The following TNFRSF1B variants were observed in gnomAD, a reference collection of about 807,000 sequenced individuals.
The protein encoded by TNFRSF1B is tumor necrosis factor receptor superfamily member 1B.
TNFRSF1B carries 19 observed loss-of-function variants against 44.6 expected under a neutral mutation model. That is an observed-to-expected ratio of 0.43 (90% confidence interval 0.30 to 0.62). The LOEUF (loss-of-function observed/expected upper bound fraction) is 0.62, where lower values mean the gene tolerates loss of function less well. Ranked by LOEUF, TNFRSF1B falls within the 20% of genes least tolerant of loss-of-function variation. The pLI is 0.16. For synonymous variants in TNFRSF1B, 252 were observed against 261.1 expected, an observed-to-expected ratio of 0.97 and a Z score of 0.34; for missense variants, 541 against 619.9, an observed-to-expected ratio of 0.87 and a Z score of 1.35.
At chr1:12,197,314 C>G (rs1361882976) in intron 8 of TNFRSF1B, among the ~76,000 whole-genome samples, 2 of 152,126 alleles carry the variant, frequency 1.3e-5, no homozygotes, top group Admixed American at 1.3e-4. Flanking sequence ...GTTGAGTGCC[C>G]CAGTGGTGTG....
intron 1 of TNFRSF1B, among the ~76,000 whole-genome samples, chr1:12,174,314 C>G (rs1050330061): frequency 2.6e-5 from 4 of 151,716 alleles, no homozygotes; most frequent in African/African-American, 9.7e-5. Flanking sequence ...GTGGCGTGAT[C>G]TTGGCTCACT....
At chr1:12,172,020 G>A (rs765335539) in intron 1 of TNFRSF1B, among the ~76,000 whole-genome samples, 1 of 152,166 alleles carries the variant, frequency 6.6e-6, no homozygotes, top group Non-Finnish European at 1.5e-5. Flanking sequence ...ATTGAGTGGT[G>A]TCTGCTGAGG....
rs747434014 is a variant in TNFRSF1B at position 12,191,901 on chromosome 1, G to C, written c.435G>C (p.Pro145=). ...RLCAPLRKCR[P]GFGVARPGTE... ...GCGCGCCGCTGCGCAAGTGCCGCCC[G>C]GGCTTCGGCGTGGCCAGACCAGGTA... The change falls in exon 4 of 10, where the codon CCG becomes CCC. Residue 145 remains proline, a synonymous_variant. Coordinates refer to ENST00000376259, the MANE Select transcript of TNFRSF1B (RefSeq NM_001066.3). The C allele has an allele frequency of 1.9e-6, 3 of 1,609,222 alleles. No homozygotes were observed. In the African/African-American group the frequency reaches 4.0e-5, roughly 22 times the overall value.
rs762700397 is a variant in TNFRSF1B at position 12,191,730 on chromosome 1, G to A, written c.308-44G>A. 9 of 1,609,720 alleles carry A rather than the reference G, an allele frequency of 5.6e-6. No individual in the cohort carries two copies. In the Admixed American group the frequency reaches 1.3e-4, roughly 24 times the overall value. ...CTGTCTGGGAGGGCAGCGTGGGTGT[G>A]GCGGAGGCAGGCGTGACCGTTTGCC... On this transcript the variant is annotated intron_variant, in intron 3 of 9. Transcript: ENST00000376259.
intron 1 of TNFRSF1B, 41 bp from the exon 2 acceptor site, chr1:12,188,755 G>GGGC: frequency 6.3e-7 from 1 of 1,591,730 alleles, no homozygotes; most frequent in Non-Finnish European, 8.6e-7. Flanking sequence ...CAGAACCCAG[G>GGGC]GGCGGCCCTG....
At chr1:12,197,528 C>T (rs1639292261) in intron 8 of TNFRSF1B, among the ~76,000 whole-genome samples, 1 of 152,050 alleles carries the variant, frequency 6.6e-6, no homozygotes, top group South Asian at 2.1e-4. Context: ...CCCCACGCAT[C>T]CCTGTGGGGC....
At chr1:12,192,276 CTGTGTGTGTGTG>C (rs4044500) in intron 4 of TNFRSF1B, 143 bp from the exon 5 acceptor site, 50 of 688,820 alleles carry the variant, frequency 7.3e-5, no homozygotes, top group Middle Eastern at 7.2e-4. Flanking sequence ...GTACAGGCAT[CTGTGTGTGTGTG>C]TGTGTGTGTG....
At chr1:12,175,370 G>C (rs928064388) in intron 1 of TNFRSF1B, among the ~76,000 whole-genome samples, 38 of 152,214 alleles carry the variant, frequency 2.5e-4, no homozygotes, top group Non-Finnish European at 4.6e-4. Flanking sequence ...TGGGCAGGGG[G>C]TGGAGTGCAG....
chr1:12,201,740 C>T (rs1448928832), intron 8 of TNFRSF1B, among the ~76,000 whole-genome samples: 2 of 152,204 alleles, frequency 1.3e-5, no homozygotes, highest in Non-Finnish European at 2.9e-5. Context: ...TCATAGGACA[C>T]TCTAGTAGAG....
chr1:12,196,940 A>ATTT (rs113856503), intron 8 of TNFRSF1B, among the ~76,000 whole-genome samples: 1 of 140,700 alleles, frequency 7.1e-6, no homozygotes, highest in African/African-American at 2.7e-5. Context: ...TCCCTTTTCC[A>ATTT]TTTTTTTTTT....
chr1:12,178,797 G>T lies in TNFRSF1B; in HGVS notation c.79-9999G>T, dbSNP rs1638723506. Among the ~76,000 whole-genome samples, 1 of 152,190 alleles carries T rather than the reference G, an allele frequency of 6.6e-6. No homozygotes were observed. Among genetic ancestry groups the T allele is most frequent in the Non-Finnish European group, 1.5e-5 (1 of 68,030 alleles). On this transcript the variant is annotated intron_variant, in intron 1 of 9. Transcript: ENST00000376259. The surrounding 1 kb of genome is among the most constrained non-coding windows in gnomAD (Gnocchi z 4.3). Reference sequence around the variant, plus strand: ...CAGCAACAGGTGAGTGATGAATACAGGTGGGAGATGCTGGCAGGGGCTAAG... The same window carrying T: ...CAGCAACAGGTGAGTGATGAATACATGTGGGAGATGCTGGCAGGGGCTAAG...
intron 1 of TNFRSF1B, among the ~76,000 whole-genome samples, chr1:12,185,970 G>A (rs1638978128): frequency 6.6e-6 from 1 of 152,224 alleles, no homozygotes; most frequent in African/African-American, 2.4e-5. Flanking sequence ...GTGCGGGCAG[G>A]GAGCCTTCAG....
chr1:12,196,656 C>G (rs1639272475), intron 8 of TNFRSF1B, among the ~76,000 whole-genome samples: 1 of 152,238 alleles, frequency 6.6e-6, no homozygotes, highest in South Asian at 2.1e-4. Flanking sequence ...CGCAGTGTGT[C>G]TCTGGACTCC....
In TNFRSF1B at chr1:12,192,813, C is replaced by T. The variant is rs1468844121; in HGVS notation, c.552-50C>T. ...GGCCCGTGAATGAGCCCAGCCACCC[C>T]AGCCACTCTGTCCCCTGCTGCCTCC... On this transcript the variant is annotated intron_variant, in intron 5 of 9. Transcript: ENST00000376259. 3.3e-6 allele frequency: 5 copies of T among 1,517,992 alleles called. No individual in the cohort carries two copies. In the South Asian group the frequency reaches 3.5e-5, roughly 11 times the overall value. The allele number at this position is 1,517,992 out of a possible 1,614,324, so 94.0% of individuals were successfully genotyped here.
chr1:12,193,687 G>C (rs993382793), intron 6 of TNFRSF1B, among the ~76,000 whole-genome samples: 3 of 152,246 alleles, frequency 2.0e-5, no homozygotes, highest in African/African-American at 7.2e-5. Flanking sequence ...ATTAGGCTAA[G>C]AAGACAGCGG....
At chr1:12,173,914 G>T (rs536534984) in intron 1 of TNFRSF1B, among the ~76,000 whole-genome samples, 1 of 152,308 alleles carries the variant, frequency 6.6e-6, no homozygotes, top group Non-Finnish European at 1.5e-5. Context: ...GTACTTGGCT[G>T]TGAGCCCCGG....
intron 8 of TNFRSF1B, 90 bp from the exon 9 acceptor site, chr1:12,201,877 G>A: frequency 1.4e-6 from 2 of 1,470,720 alleles, no homozygotes; most frequent in Admixed American, 4.5e-5. Context: ...GCTGATGGCA[G>A]GAGGTGTGGA....
At position 12,169,621 on chromosome 1, in the gene TNFRSF1B, C is replaced by T. The variant is rs537782204; in HGVS notation, c.78+2452C>T. ...GAAGTCAACTGAGCTGCAGAAGAAG[C>T]CCCCAGGAGACCTGAGCTAGCCATG... On this transcript the variant is annotated intron_variant, in intron 1 of 9. Coordinates refer to ENST00000376259, the MANE Select transcript of TNFRSF1B (RefSeq NM_001066.3). The surrounding 1 kb of genome is among the most constrained non-coding windows in gnomAD (Gnocchi z 4.5). Among the ~76,000 whole-genome samples the T allele has an allele frequency of 2.0e-5, 3 of 152,390 alleles. No individual in the cohort carries two copies. The highest frequency in any genetic ancestry group is 4.1e-4 in the South Asian group (2 of 4,832).
chr1:12,192,563 G>C, intron 5 of TNFRSF1B, 39 bp downstream of exon 5: 1 of 1,584,692 alleles, frequency 6.3e-7, no homozygotes, highest in Non-Finnish European at 8.7e-7. Context: ...GGAGCAGGGA[G>C]GGGCTGTCCC....
Sources: gnomAD v4.1 joint callset for allele counts (sites outside exome capture counted in the v4.1 genomes callset) on GRCh38, gnomAD v4.1.1 for gene constraint, Gnocchi (gnomAD v3.1) non-coding constraint, MANE v1.5 for transcripts, NCBI Gene and HGNC (gene_info 2026-07-23, HGNC 2026-07-21) for gene names.